SEMA3D: variants seen among roughly 807,000 people sequenced by gnomAD.
The protein encoded by SEMA3D is semaphorin 3D.
Under a neutral mutation model 100.1 loss-of-function variants are expected in SEMA3D, and 84 were observed. The ratio of observed to expected loss-of-function variants is 0.84; its 90% CI spans 0.70 to 1.01. The LOEUF is 1.01. Ranked by LOEUF, SEMA3D falls within the 50% of genes least tolerant of loss-of-function variation. The probability of loss-of-function intolerance (pLI) is 0.00; values close to 1 mark genes in which losing one functional copy is unlikely to be tolerated. For synonymous variants in SEMA3D, 312 were observed against 320.7 expected (o/e 0.97, Z 0.29); for missense variants, 875 against 934.1 (o/e 0.94, Z 0.82).
chr7:85,198,175 C>T, the SEMA3D span, among the ~76,000 whole-genome samples: 1 of 152,122 alleles, frequency 6.6e-6, no homozygotes, highest in Non-Finnish European at 1.5e-5. Context: ...TCCATTTCTT[C>T]AAGTTTCCTT....
the SEMA3D span, among the ~76,000 whole-genome samples, chr7:85,214,791 C>T: frequency 3.3e-4 from 50 of 152,172 alleles, no homozygotes; most frequent in East Asian, 6.6e-3. Flanking sequence ...CCACCGTGCC[C>T]GGCCTGTTTT....
intron 12 of SEMA3D, chr7:85,028,538 T>G: frequency 3.1e-6 from 1 of 319,102 alleles, no homozygotes; most frequent in South Asian, 3.2e-5. Flanking sequence ...CTTTCACAAC[T>G]GAAATGTCAA....
At chr7:85,206,377 A>G in the SEMA3D span, among the ~76,000 whole-genome samples, 4 of 152,130 alleles carry the variant, frequency 2.6e-5, no homozygotes, top group Non-Finnish European at 5.9e-5. Context: ...TTAAAGGATG[A>G]AGGGGGGAAA....
chr7:85,079,728 A>T (rs1787999958), intron 5 of SEMA3D, among the ~76,000 whole-genome samples: 1 of 152,218 alleles, frequency 6.6e-6, no homozygotes, highest in African/African-American at 2.4e-5. Context: ...AATTGAAAAC[A>T]TCCTTTTCCT....
chr7:85,248,547 A>G, the SEMA3D span, among the ~76,000 whole-genome samples: 1 of 152,202 alleles, frequency 6.6e-6, no homozygotes, highest in Non-Finnish European at 1.5e-5. Context: ...AATTTGATTC[A>G]TAATTGCCAA....
the SEMA3D span, among the ~76,000 whole-genome samples, chr7:85,203,162 T>C: frequency 4.5e-4 from 69 of 152,274 alleles, no homozygotes; most frequent in Admixed American, 2.0e-3. Flanking sequence ...TTGGAGAGGA[T>C]GTAATGAGCA....
chr7:85,055,645 C>CATATATATATAT (rs56131427), intron 9 of SEMA3D, 72 bp downstream of exon 9: 53 of 159,794 alleles, frequency 3.3e-4, no homozygotes, highest in East Asian at 1.1e-3. Context: ...TTTTCATATA[C>CATATATATATAT]ATATATATAT....
intron 1 of SEMA3D, among the ~76,000 whole-genome samples, chr7:85,159,577 A>T (rs1583978104): frequency 1.3e-5 from 2 of 152,350 alleles, no homozygotes; most frequent in East Asian, 3.9e-4. Context: ...TTTATAAACA[A>T]GAAAGACAAA....
the SEMA3D span, among the ~76,000 whole-genome samples, chr7:85,246,301 T>C: frequency 6.6e-6 from 1 of 152,060 alleles, no homozygotes; most frequent in African/African-American, 2.4e-5. Flanking sequence ...GAGTTGTAAT[T>C]TTCACAAATG....
At chr7:85,050,072 A>AAC (rs55849524) in intron 9 of SEMA3D, among the ~76,000 whole-genome samples, 6,111 of 136,870 alleles carry the variant, frequency 0.045, 108 homozygotes, top group Middle Eastern at 0.058. Flanking sequence ...CTTGAAGGGA[A>AAC]ACACACACAC....
intron 12 of SEMA3D, chr7:85,027,968 C>A: frequency 1.7e-6 from 1 of 578,790 alleles, no homozygotes. Flanking sequence ...TTACGGATAC[C>A]AAACAATTGA....
intron 9 of SEMA3D, among the ~76,000 whole-genome samples, chr7:85,045,109 T>C (rs1184902657): frequency 6.6e-6 from 1 of 152,058 alleles, no homozygotes; most frequent in African/African-American, 2.4e-5. Context: ...CTTTTTACAA[T>C]AATAGATGGG....
the SEMA3D span, among the ~76,000 whole-genome samples, chr7:85,218,912 A>G: frequency 6.6e-6 from 1 of 152,148 alleles, no homozygotes; most frequent in Non-Finnish European, 1.5e-5. Flanking sequence ...TAGCTAAGGG[A>G]TATGCATATT....
At chr7:85,141,784 T>C (rs1790058188) in intron 2 of SEMA3D, 1 of 791,826 alleles carries the variant, frequency 1.3e-6, no homozygotes, top group African/African-American at 1.9e-5. Context: ...GTCTCATAAA[T>C]CTGGGAAAAG....
chr7:85,236,713 T>G, the SEMA3D span, among the ~76,000 whole-genome samples: 1 of 152,182 alleles, frequency 6.6e-6, no homozygotes, highest in Non-Finnish European at 1.5e-5. Flanking sequence ...AAACTTAATA[T>G]GATAAGATAA....
Position 85,159,987 on chromosome 7 carries a change from T to C in SEMA3D, c.-172-6248A>G, listed in dbSNP as rs1790701699. 4.1e-6 allele frequency: 4 copies of C among 983,048 alleles called. No homozygotes were observed. The African/African-American group carries it at 7.0e-5, about 17-fold the overall frequency. The allele number at this position is 983,048 out of a possible 1,614,324, so 60.9% of individuals were successfully genotyped here. A position where few individuals can be genotyped will look rare whatever the true frequency, so the allele number is the denominator to read the frequency against. On this transcript the variant is annotated intron_variant, in intron 1 of 18. Coordinates refer to ENST00000284136, the MANE Select transcript of SEMA3D (RefSeq NM_001384900.1). ...TACGGTAACTACTCCAGAGGTATCA[T>C]ATCTACCACATCTCTCCATGAACTA...
chr7:85,117,977 A>G (rs2116390681), intron 3 of SEMA3D, among the ~76,000 whole-genome samples: 1 of 152,002 alleles, frequency 6.6e-6, no homozygotes, highest in African/African-American at 2.4e-5. Flanking sequence ...ATAGTCACAC[A>G]AAGAGCATAA....
chr7:85,145,307 T>G (rs1790170310), intron 2 of SEMA3D, among the ~76,000 whole-genome samples: 1 of 152,104 alleles, frequency 6.6e-6, no homozygotes, highest in Non-Finnish European at 1.5e-5. Flanking sequence ...TATGATGGTC[T>G]GAACAATATA....
At chr7:85,135,310 G>A (rs1206577833) in intron 2 of SEMA3D, among the ~76,000 whole-genome samples, 8 of 151,958 alleles carry the variant, frequency 5.3e-5, no homozygotes, top group Non-Finnish European at 1.2e-4. Context: ...TAGACTAGGA[G>A]AGTTCCTTTC....
Sources: gnomAD v4.1 joint callset for allele counts (sites outside exome capture counted in the v4.1 genomes callset) on GRCh38, gnomAD v4.1.1 for gene constraint, MANE v1.5 for transcripts, NCBI Gene and HGNC (gene_info 2026-07-23, HGNC 2026-07-21) for gene names.